Variants in CNTNAP2 observed in about 807,000 individuals in gnomAD.
CNTNAP2 encodes contactin-associated protein-like 2.
In CNTNAP2, 98 loss-of-function variants were observed where a neutral mutation model predicts 155.2. The ratio of observed to expected loss-of-function variants is 0.63; its 90% CI spans 0.54 to 0.75. The LOEUF is 0.75. CNTNAP2 is among the 30% of genes least tolerant of loss of function. CNTNAP2 has a pLI of 0.00. For synonymous variants in CNTNAP2, 651 were observed against 631.2 expected, an observed-to-expected ratio of 1.03 and a Z score of -0.47; for missense variants, 1,727 against 1,688.1, an observed-to-expected ratio of 1.02 and a Z score of -0.40.
chr7:146,612,256 C>T (rs536013672), intron 1 of CNTNAP2, among the ~76,000 whole-genome samples: 10 of 152,188 alleles, frequency 6.6e-5, no homozygotes, highest in African/African-American at 2.4e-4. Flanking sequence ...ATAGCATACT[C>T]TCTCATACTC....
At chr7:147,569,872 A>G (rs1584821095) in intron 12 of CNTNAP2, among the ~76,000 whole-genome samples, 1 of 152,364 alleles carries the variant, frequency 6.6e-6, no homozygotes, top group African/African-American at 2.4e-5. Context: ...GGTGTCACCC[A>G]GGGCTTGGGT....
intron 15 of CNTNAP2, among the ~76,000 whole-genome samples, chr7:148,096,243 T>G (rs1194049819): frequency 6.6e-6 from 1 of 151,802 alleles, no homozygotes. Context: ...TTTGTCAAGA[T>G]TCTTAAGCTG....
intron 11 of CNTNAP2, among the ~76,000 whole-genome samples, chr7:147,548,918 A>C (rs1799795502): frequency 6.6e-6 from 1 of 152,016 alleles, no homozygotes; most frequent in Admixed American, 6.6e-5. Flanking sequence ...ATGCTTGTAG[A>C]TGTATGGTGT....
At chr7:147,811,029 A>G (rs1003323549) in intron 13 of CNTNAP2, among the ~76,000 whole-genome samples, 1 of 152,238 alleles carries the variant, frequency 6.6e-6, no homozygotes, top group Non-Finnish European at 1.5e-5. Flanking sequence ...GGAAGTAGGC[A>G]TGTAACCTTA....
intron 1 of CNTNAP2, among the ~76,000 whole-genome samples, chr7:146,247,139 G>C (rs2116937189): frequency 6.6e-6 from 1 of 152,278 alleles, no homozygotes; most frequent in Admixed American, 6.5e-5. Context: ...GGGCTGTAAA[G>C]TGTCTCAGGG....
At chr7:147,905,177 T>C (rs1240950521) in intron 14 of CNTNAP2, among the ~76,000 whole-genome samples, 1 of 152,222 alleles carries the variant, frequency 6.6e-6, no homozygotes, top group Non-Finnish European at 1.5e-5. Context: ...TTACTAGTTG[T>C]GTGTTCTTAA....
At chr7:147,463,958 T>TTAAA (rs774709661) in intron 10 of CNTNAP2, among the ~76,000 whole-genome samples, 2 of 82,968 alleles carry the variant, frequency 2.4e-5, no homozygotes, top group African/African-American at 9.8e-5. Flanking sequence ...GCCCCACTAC[T>TTAAA]AAAAAAAAAA....
chr7:146,575,551 C>G (rs1432932400), intron 1 of CNTNAP2, among the ~76,000 whole-genome samples: 1 of 152,074 alleles, frequency 6.6e-6, no homozygotes, highest in Non-Finnish European at 1.5e-5. Context: ...TTAAGTACAT[C>G]CCATTTAAAC....
intron 3 of CNTNAP2, among the ~76,000 whole-genome samples, chr7:146,842,318 G>C (rs11974784): frequency 1.3e-5 from 2 of 151,868 alleles, no homozygotes; most frequent in African/African-American, 4.8e-5. Context: ...AGGTGATAAA[G>C]GTGCATTTCT....
chr7:147,956,229 A>G lies in CNTNAP2; in HGVS notation c.2256-21633A>G, dbSNP rs535196836. Among the ~76,000 whole-genome samples, 3 of 152,092 alleles carry G rather than the reference A, an allele frequency of 2.0e-5. No homozygotes were observed. The East Asian group carries it at 5.8e-4, about 29-fold the overall frequency. ...AATACATGAGTGAATATTTATGTGT[A>G]TATTTTTCAATAATGTTTTCCAAAT... is the stretch of plus-strand genomic sequence containing the variant. On this transcript the variant is annotated intron_variant, in intron 14 of 23. Transcript: ENST00000361727.
At chr7:147,272,086 T>C (rs1457949385) in intron 8 of CNTNAP2, among the ~76,000 whole-genome samples, 2 of 152,028 alleles carry the variant, frequency 1.3e-5, no homozygotes, top group Admixed American at 6.5e-5. Context: ...AGAGATGGGG[T>C]CTCACCATGT....
intron 8 of CNTNAP2, chr7:147,167,494 T>C (rs1245923482): frequency 4.4e-5 from 40 of 913,294 alleles, no homozygotes; most frequent in Admixed American, 1.9e-4. Flanking sequence ...GAGGTTGCCA[T>C]GGACCCAGCT....
At chr7:148,371,988 CAGG>C (rs746475746) in intron 21 of CNTNAP2, among the ~76,000 whole-genome samples, 2 of 152,066 alleles carry the variant, frequency 1.3e-5, no homozygotes, top group Non-Finnish European at 2.9e-5. Flanking sequence ...ATCACAAGGT[CAGG>C]AGATCGAGAC....
At chr7:146,232,789 A>C (rs937396955) in intron 1 of CNTNAP2, among the ~76,000 whole-genome samples, 4 of 152,092 alleles carry the variant, frequency 2.6e-5, no homozygotes, top group Non-Finnish European at 5.9e-5. Flanking sequence ...AATGTCAAAG[A>C]CATTGACATT....
chr7:146,881,744 T>G (rs1216636561), intron 3 of CNTNAP2, among the ~76,000 whole-genome samples: 1 of 140,876 alleles, frequency 7.1e-6, no homozygotes, highest in Non-Finnish European at 1.5e-5. Flanking sequence ...CTTGGTGAAC[T>G]GATCCCTATA....
At chr7:147,272,446 G>A (rs12703886) in intron 8 of CNTNAP2, among the ~76,000 whole-genome samples, 34,488 of 151,932 alleles carry the variant, frequency 0.23, 4,297 homozygotes, top group Non-Finnish European at 0.27. Context: ...CAGATTATTT[G>A]AAGACGTTAC....
chr7:148,021,834 C>A (rs1436658412), intron 15 of CNTNAP2, among the ~76,000 whole-genome samples: 1 of 152,294 alleles, frequency 6.6e-6, no homozygotes, highest in Middle Eastern at 3.4e-3. Context: ...CAAAGCTGTA[C>A]CGAGTCAGTG....
intron 13 of CNTNAP2, among the ~76,000 whole-genome samples, chr7:147,756,355 T>C (rs866476561): frequency 8.4e-6 from 1 of 118,638 alleles, no homozygotes; most frequent in Admixed American, 7.9e-5. Context: ...GCAAGTCTTG[T>C]AGTTACTCTT....
intron 8 of CNTNAP2, among the ~76,000 whole-genome samples, chr7:147,289,794 C>T (rs1448260232): frequency 5.9e-5 from 9 of 152,064 alleles, no homozygotes; most frequent in African/African-American, 2.2e-4. Flanking sequence ...GTAAGTTCAA[C>T]ATTTTAAGAG....
Sources: allele counts gnomAD v4.1 joint callset (sites outside exome capture counted in the v4.1 genomes callset), GRCh38; gene constraint gnomAD v4.1.1; transcripts MANE v1.5; gene names NCBI Gene and HGNC (gene_info 2026-07-23, HGNC 2026-07-21).